Variants in KIF22 observed in about 807,000 individuals in gnomAD.
KIF22 encodes kinesin-like protein KIF22.
In KIF22, 62 loss-of-function variants were observed where a neutral mutation model predicts 73.0. The ratio of observed to expected loss-of-function variants is 0.85; its 90% CI spans 0.69 to 1.05. The LOEUF (loss-of-function observed/expected upper bound fraction) is 1.05. Among genes scored for constraint, KIF22 ranks in the 50% least tolerant of loss-of-function variants. The probability of loss-of-function intolerance (pLI) is 0.00; values close to 1 mark genes in which losing one functional copy is unlikely to be tolerated. For missense variants in KIF22, 854 were observed against 870.1 expected (o/e 0.98, Z 0.23); for synonymous variants, 411 against 340.1 (o/e 1.21, Z -2.29).
At position 29,798,286 on chromosome 16, in the gene KIF22, T is replaced by TTGGG; in HGVS notation, c.267-88_267-87insTGGG. Reference sequence around the variant, plus strand: ...AGGTCCAGATGAGAGTAGAATCCCTTACCCACCCCCACCCCACTCCACCCC... The same window carrying TTGGG: ...AGGTCCAGATGAGAGTAGAATCCCTTTGGGACCCACCCCCACCCCACTCCACCCC... On this transcript the variant is annotated intron_variant, in intron 2 of 13. Coordinates refer to ENST00000160827, the MANE Select transcript of KIF22 (RefSeq NM_007317.3). The surrounding 1 kb of genome is among the most constrained non-coding windows in gnomAD (Gnocchi z 4.1). The TTGGG allele has an allele frequency of 2.7e-6, 4 of 1,485,602 alleles. No individual in the cohort carries two copies. The highest frequency in any genetic ancestry group is 3.6e-6 in the Non-Finnish European group (4 of 1,104,266). The allele number at this position is 1,485,602 out of a possible 1,614,324, so 92.0% of individuals were successfully genotyped here.
intron 1 of KIF22, among the ~76,000 whole-genome samples, chr16:29,792,895 A>G (rs1898854600): frequency 6.6e-6 from 1 of 152,202 alleles, no homozygotes; most frequent in Admixed American, 6.5e-5. Context: ...ACACCTTGCT[A>G]CCACCAGCAA....
chr16:29,796,796 A>G (rs1898963012), intron 1 of KIF22, 97 bp from the exon 2 acceptor site: 1 of 1,152,476 alleles, frequency 8.7e-7, no homozygotes, highest in Non-Finnish European at 1.3e-6. Flanking sequence ...AGCTTCTCCA[A>G]CATGAGCTGT....
In KIF22 at chr16:29,798,342, AC is replaced by A; in HGVS notation, c.267-31del. 6.5e-7 allele frequency: 1 copy of A among 1,543,582 alleles called. No individual in the cohort carries two copies. The highest frequency in any genetic ancestry group is 1.5e-5 in the African/African-American group (1 of 68,594). ...CACACACACACACACACACACACAC[AC>A]ACACGCTAATTTCTTTCTTTCTTCC... On this transcript the variant is annotated intron_variant, in intron 2 of 13. Coordinates refer to ENST00000160827, the MANE Select transcript of KIF22 (RefSeq NM_007317.3). This position sits in a 1 kb window ranked among gnomAD's most constrained non-coding sequence, Gnocchi z 4.1.
chr16:29,794,652 G>A (rs373425690), intron 1 of KIF22, among the ~76,000 whole-genome samples: 1 of 152,088 alleles, frequency 6.6e-6, no homozygotes, highest in African/African-American at 2.4e-5. Context: ...CGCAATCTCT[G>A]CTCACTGCAA....
chr16:29,800,371 C>A (rs1194216843), intron 8 of KIF22, among the ~76,000 whole-genome samples: 1 of 151,202 alleles, frequency 6.6e-6, no homozygotes, highest in South Asian at 2.1e-4. Context: ...GCAGGAGAAT[C>A]CCTTGAACCC....
chr16:29,791,153 A>G, intron 1 of KIF22: 1 of 1,252,332 alleles, frequency 8.0e-7, no homozygotes, highest in South Asian at 2.1e-5. Context: ...ATCCCTGGAG[A>G]TCACCTGAAT....
chr16:29,793,796 T>C (rs574426367), intron 1 of KIF22, among the ~76,000 whole-genome samples: 89 of 152,182 alleles, frequency 5.8e-4, no homozygotes, highest in Admixed American at 1.2e-3. Flanking sequence ...AGAGAAAGGA[T>C]AGACGGATCC....
Position 29,790,806 on chromosome 16 carries a change from C to G in KIF22, c.47C>G (p.Ala16Gly). The G allele has an allele frequency of 6.2e-7, 1 of 1,604,784 alleles. No homozygotes were observed. The highest frequency in any genetic ancestry group is 8.5e-7 in the Non-Finnish European group (1 of 1,175,848). Reference protein sequence around the residue: ...STQQRRREMAAASAAAISGAG... With the variant: ...STQQRRREMAGASAAAISGAG... Reference sequence around the variant, plus strand: ...CAGCAGAGGCGACGCGAGATGGCGGCAGCTTCAGCGGCGGCGATCTCAGGT... The same window carrying G: ...CAGCAGAGGCGACGCGAGATGGCGGGAGCTTCAGCGGCGGCGATCTCAGGT... Residue 16 changes from alanine to glycine, a missense_variant, in exon 1 of 14, where the codon GCA becomes GGA. Around this residue, in one of 3 missense-constraint regions of KIF22, gnomAD observed 186 missense variants for 152.9 expected, o/e 1.22. Coordinates refer to ENST00000160827, the MANE Select transcript of KIF22 (RefSeq NM_007317.3).
At chr16:29,804,148 G>A in intron 11 of KIF22, 83 bp downstream of exon 11, 1 of 1,121,544 alleles carries the variant, frequency 8.9e-7, no homozygotes, top group Non-Finnish European at 1.4e-6. Flanking sequence ...CGTTGGCCTT[G>A]GGGTTAAACG....
At chr16:29,803,021 A>C (rs1469042853) in intron 9 of KIF22, 84 bp downstream of exon 9, 2 of 1,376,458 alleles carry the variant, frequency 1.5e-6, no homozygotes, top group Middle Eastern at 1.8e-4. Context: ...AAGGACACTC[A>C]GGCTGGACTA....
chr16:29,800,371 C>T (rs1194216843), intron 8 of KIF22, among the ~76,000 whole-genome samples: 1 of 151,202 alleles, frequency 6.6e-6, no homozygotes, highest in African/African-American at 2.4e-5. Context: ...GCAGGAGAAT[C>T]CCTTGAACCC....
At chr16:29,794,090 A>G (rs1429753285) in intron 1 of KIF22, among the ~76,000 whole-genome samples, 1 of 152,182 alleles carries the variant, frequency 6.6e-6, no homozygotes, top group Non-Finnish European at 1.5e-5. Context: ...ACTGTGCTAA[A>G]CATTGTATGT....
intron 1 of KIF22, among the ~76,000 whole-genome samples, chr16:29,791,733 CAG>C (rs1898822607): frequency 1.3e-5 from 2 of 152,200 alleles, no homozygotes; most frequent in African/African-American, 4.8e-5. Flanking sequence ...TTAGTTTGTT[CAG>C]AGTTAACACA....
At chr16:29,803,722 C>T (rs1328773548) in intron 10 of KIF22, 114 bp downstream of exon 10, 4 of 940,732 alleles carry the variant, frequency 4.3e-6, no homozygotes, top group Admixed American at 5.1e-5. Flanking sequence ...ATACCAGTCC[C>T]AGGGAGGGGT....
chr16:29,799,650 A>T lies in KIF22; in HGVS notation c.1013A>T (p.His338Leu), dbSNP rs759614690. 5.6e-6 allele frequency: 9 copies of T among 1,614,022 alleles called. No individual in the cohort carries two copies. Among genetic ancestry groups the T allele is most frequent in the Middle Eastern group, 1.6e-4 (1 of 6,062 alleles). Residue 338 changes from histidine to leucine, a missense_variant, in exon 7 of 14, where the codon CAC (histidine) becomes CTC (leucine). This residue lies in a region of KIF22 where 245 missense variants were observed against 351.8 expected (regional missense o/e 0.70). Coordinates refer to ENST00000160827, the MANE Select transcript of KIF22 (RefSeq NM_007317.3). ...LLQDSLGGSAHSILIANIAPE... is the reference protein window; with the variant it reads ...LLQDSLGGSALSILIANIAPE... ...CAGGACTCTCTGGGTGGCTCAGCCC[A>T]CAGTATCCTTATTGCCAACATTGCC...
Position 29,798,289 on chromosome 16 carries a change from C to T in KIF22, c.267-85C>T. On this transcript the variant is annotated intron_variant, in intron 2 of 13. Coordinates refer to ENST00000160827, the MANE Select transcript of KIF22 (RefSeq NM_007317.3). The surrounding 1 kb of genome is among the most constrained non-coding windows in gnomAD (Gnocchi z 4.1). ...TCCAGATGAGAGTAGAATCCCTTAC[C>T]CACCCCCACCCCACTCCACCCCTTA... 8.7e-7 allele frequency: 1 copy of T among 1,143,486 alleles called. No homozygotes were observed. The highest frequency in any genetic ancestry group is 1.2e-6 in the Non-Finnish European group (1 of 824,848). The allele number at this position is 1,143,486 out of a possible 1,614,324, so 70.8% of individuals were successfully genotyped here. A position where few individuals can be genotyped will look rare whatever the true frequency, so the allele number is the denominator to read the frequency against.
chr16:29,793,039 C>T (rs191773380), intron 1 of KIF22, among the ~76,000 whole-genome samples: 9 of 152,258 alleles, frequency 5.9e-5, no homozygotes, highest in Admixed American at 2.0e-4. Flanking sequence ...AGGTAAGAGA[C>T]GTTGGAGTTA....
rs1899064276 is a variant in KIF22, at chr16:29,799,648, C to T, written c.1011C>T (p.Ala337=). Residue 337 remains alanine, a synonymous_variant, in exon 7 of 14, where the codon GCC becomes GCT. Coordinates refer to ENST00000160827, the MANE Select transcript of KIF22 (RefSeq NM_007317.3). ...CTCAGGACTCTCTGGGTGGCTCAGC[C>T]CACAGTATCCTTATTGCCAACATTG... ...RLLQDSLGGS[A]HSILIANIAP... 1.2e-6 allele frequency: 2 copies of T among 1,613,906 alleles called. No individual in the cohort carries two copies. Among genetic ancestry groups the T allele is most frequent in the Non-Finnish European group, 8.5e-7 (1 of 1,180,004 alleles).
intron 1 of KIF22, among the ~76,000 whole-genome samples, chr16:29,794,219 A>T (rs1308806627): frequency 6.6e-6 from 1 of 152,202 alleles, no homozygotes. Flanking sequence ...GCTGTCAGTC[A>T]CTAGCTGTTG....
Sources: gnomAD v4.1 joint callset for allele counts (sites outside exome capture counted in the v4.1 genomes callset) on GRCh38, gnomAD v4.1.1 for gene constraint, gnomAD v4.1.1 regional missense constraint, Gnocchi (gnomAD v3.1) non-coding constraint, MANE v1.5 for transcripts, NCBI Gene and HGNC (gene_info 2026-07-23, HGNC 2026-07-21) for gene names.